Variants in NR6A1 observed in about 807,000 individuals in gnomAD.
The protein encoded by NR6A1 is nuclear receptor subfamily 6 group A member 1, also known as retinoic acid receptor-related testis-associated receptor.
Under a neutral mutation model 59.1 loss-of-function variants are expected in NR6A1, and 7 were observed. That is an observed-to-expected ratio of 0.12 (90% CI 0.07 to 0.22). NR6A1 has a LOEUF of 0.22. NR6A1 is among the 10% of genes least tolerant of loss of function. The pLI is 1.00. For synonymous variants in NR6A1, 243 were observed against 236.1 expected (o/e 1.03, Z -0.27); for missense variants, 468 against 611.6 (o/e 0.77, Z 2.48).
intron 2 of NR6A1, among the ~76,000 whole-genome samples, chr9:124,677,526 G>T (rs1015849058): frequency 6.6e-6 from 1 of 151,758 alleles, no homozygotes; most frequent in East Asian, 1.9e-4. Flanking sequence ...GCCTCCCAAA[G>T]TGCTAGGATT....
At chr9:124,543,010 A>G (rs898720700) in intron 4 of NR6A1, among the ~76,000 whole-genome samples, 1 of 152,202 alleles carries the variant, frequency 6.6e-6, no homozygotes, top group African/African-American at 2.4e-5. Context: ...CTGGCCCAAC[A>G]AAGACTTTTC....
At chr9:124,619,273 A>AT (rs1358965884) in intron 2 of NR6A1, among the ~76,000 whole-genome samples, 2 of 151,772 alleles carry the variant, frequency 1.3e-5, no homozygotes, top group African/African-American at 2.4e-5. Flanking sequence ...TAAAAAAAAA[A>AT]TTTTTTTTGA....
chr9:124,553,228 C>T (rs563642253), intron 3 of NR6A1, among the ~76,000 whole-genome samples: 38 of 152,264 alleles, frequency 2.5e-4, no homozygotes, highest in Non-Finnish European at 5.0e-4. Context: ...ATTCTACTCT[C>T]CACTCTCCAT....
intron 2 of NR6A1, among the ~76,000 whole-genome samples, chr9:124,694,381 C>T (rs551438873): frequency 6.6e-6 from 1 of 152,266 alleles, no homozygotes; most frequent in African/African-American, 2.4e-5. Context: ...TAGACTTCCA[C>T]AACAGTCTTT....
intron 3 of NR6A1, among the ~76,000 whole-genome samples, chr9:124,550,775 A>T (rs1359375697): frequency 1.3e-5 from 2 of 152,042 alleles, no homozygotes; most frequent in African/African-American, 4.8e-5. Context: ...GGCTCAAGTG[A>T]TCCTCTTGCC....
chr9:124,625,392 A>C (rs933074033), intron 2 of NR6A1, among the ~76,000 whole-genome samples: 1 of 152,200 alleles, frequency 6.6e-6, no homozygotes, highest in South Asian at 2.1e-4. Flanking sequence ...CAGTGGCATG[A>C]TCACAGCTCA....
At chr9:124,693,922 A>G (rs1838655931) in intron 2 of NR6A1, 1 of 355,486 alleles carries the variant, frequency 2.8e-6, no homozygotes, top group Non-Finnish European at 5.8e-6. Context: ...TGGTTCTAAC[A>G]TGGAGTAAGT....
At chr9:124,634,552 T>C (rs1836544112) in intron 2 of NR6A1, among the ~76,000 whole-genome samples, 3 of 152,184 alleles carry the variant, frequency 2.0e-5, no homozygotes, top group Admixed American at 2.0e-4. Context: ...CCGGGCACGG[T>C]AGCTCACGCC....
chr9:124,645,913 G>GT (rs1836916965), intron 2 of NR6A1, among the ~76,000 whole-genome samples: 1 of 152,060 alleles, frequency 6.6e-6, no homozygotes, highest in Admixed American at 6.6e-5. Context: ...AATAGAAATC[G>GT]TACAATGTTT....
chr9:124,641,789 A>G (rs1836773049), intron 2 of NR6A1, among the ~76,000 whole-genome samples: 1 of 152,194 alleles, frequency 6.6e-6, no homozygotes, highest in South Asian at 2.1e-4. Flanking sequence ...TGGGAAACTA[A>G]AGCTACGCTC....
intron 2 of NR6A1, among the ~76,000 whole-genome samples, chr9:124,669,757 C>T (rs766604861): frequency 5.9e-5 from 9 of 152,030 alleles, no homozygotes; most frequent in South Asian, 2.1e-4. Context: ...CCACCATGCC[C>T]GGCTAATTTT....
chr9:124,719,181 C>G (rs1839492787), intron 2 of NR6A1, among the ~76,000 whole-genome samples: 2 of 151,522 alleles, frequency 1.3e-5, no homozygotes, highest in African/African-American at 4.9e-5. Flanking sequence ...CTCACTGTAG[C>G]CTCGACCTCC....
chr9:124,687,946 C>A (rs375221875), intron 2 of NR6A1, among the ~76,000 whole-genome samples: 4 of 152,134 alleles, frequency 2.6e-5, no homozygotes, highest in Admixed American at 6.5e-5. Flanking sequence ...TACATACATA[C>A]CTATGGCAAA....
At chr9:124,619,656 G>A (rs1021235050) in intron 2 of NR6A1, among the ~76,000 whole-genome samples, 1 of 152,160 alleles carries the variant, frequency 6.6e-6, no homozygotes, top group Non-Finnish European at 1.5e-5. Context: ...TTGGCCTGCT[G>A]CTTACTAGAA....
At chr9:124,536,237 G>T in intron 6 of NR6A1, 105 bp from the exon 7 acceptor site, 1 of 1,266,664 alleles carries the variant, frequency 7.9e-7, no homozygotes. Flanking sequence ...CTGGCAATGG[G>T]CTCCTTGCTC....
chr9:124,738,357 TCAGGAAATTTTCTGAGAAATC>T lies in NR6A1; in HGVS notation c.101-5029_101-5009del, dbSNP rs538774828. Among the ~76,000 whole-genome samples the T allele has an allele frequency of 7.1e-3, 1,073 of 152,144 alleles. 3 individuals are homozygous for T. The highest frequency in any genetic ancestry group is 0.024 in the African/African-American group (983 of 41,498). On this transcript the variant is annotated intron_variant, in intron 1 of 9. Coordinates refer to ENST00000487099, the MANE Select transcript of NR6A1 (RefSeq NM_033334.4). ...CACAGAATACAACATATTAAACAGATCAGGAAATTTTCTGAGAAATCCAGGAAATTTTCTGAGAAATCCAGG... is the reference window on the plus strand; with the variant it reads ...CACAGAATACAACATATTAAACAGATCAGGAAATTTTCTGAGAAATCCAGG...
At chr9:124,704,105 C>A (rs911485642) in intron 2 of NR6A1, among the ~76,000 whole-genome samples, 1 of 152,146 alleles carries the variant, frequency 6.6e-6, no homozygotes, top group Non-Finnish European at 1.5e-5. Context: ...CAGTTTTGAT[C>A]ATCTGTATCT....
chr9:124,685,329 G>A (rs1411949100), intron 2 of NR6A1, among the ~76,000 whole-genome samples: 1 of 152,148 alleles, frequency 6.6e-6, no homozygotes, highest in Non-Finnish European at 1.5e-5. Context: ...CACTTTTTCT[G>A]GGAGGAGTTG....
At chr9:124,761,302 GA>G (rs1179483268) in intron 1 of NR6A1, among the ~76,000 whole-genome samples, 1 of 152,236 alleles carries the variant, frequency 6.6e-6, no homozygotes, top group East Asian at 1.9e-4. Context: ...GAGCTCTTAG[GA>G]AGGAAGCCCA....
Sources: allele counts gnomAD v4.1 joint callset (sites outside exome capture counted in the v4.1 genomes callset), GRCh38; gene constraint gnomAD v4.1.1; transcripts MANE v1.5; gene names NCBI Gene and HGNC (gene_info 2026-07-23, HGNC 2026-07-21).